Variants in FOXP1 observed in about 807,000 individuals in gnomAD.
FOXP1 encodes the protein forkhead box protein P1.
Under a neutral mutation model 98.2 loss-of-function variants are expected in FOXP1, and 15 were observed. The ratio of observed to expected loss-of-function variants is 0.15; its 90% CI spans 0.10 to 0.24. The LOEUF is 0.24. Among genes scored for constraint, FOXP1 ranks in the 10% least tolerant of loss-of-function variants. The pLI, the probability that FOXP1 is intolerant of heterozygous loss-of-function variation, is 1.00. For missense variants in FOXP1, 633 were observed against 848.5 expected (o/e 0.75, Z 3.15); for synonymous variants, 371 against 314.5 (o/e 1.18, Z -1.90).
intron 3 of FOXP1, among the ~76,000 whole-genome samples, chr3:71,490,492 C>A (rs1299048741): frequency 1.3e-5 from 2 of 150,790 alleles, no homozygotes; most frequent in Admixed American, 1.3e-4. Context: ...GAGCAAAACT[C>A]TGTCTTAAAA....
chr3:71,349,956 G>A (rs1035952963), intron 4 of FOXP1, among the ~76,000 whole-genome samples: 2 of 152,062 alleles, frequency 1.3e-5, no homozygotes, highest in Non-Finnish European at 2.9e-5. Context: ...AATAATATCC[G>A]ATCCTTTCAA....
At chr3:71,175,138 T>C (rs2061868681) in intron 6 of FOXP1, among the ~76,000 whole-genome samples, 1 of 152,300 alleles carries the variant, frequency 6.6e-6, no homozygotes, top group Non-Finnish European at 1.5e-5. Flanking sequence ...GGTCTCGAAC[T>C]CCTGACCTCG....
rs562087069 is a variant in FOXP1 at position 71,355,913 on chromosome 3, C to T, written c.-73+3237G>A. ...ACTGTTTTTCAATCTGGGTACAAGTCACCAACTGGGTCATCCATGAGTACT... is the reference window on the plus strand; with the variant it reads ...ACTGTTTTTCAATCTGGGTACAAGTTACCAACTGGGTCATCCATGAGTACT... On this transcript the variant is annotated intron_variant, in intron 4 of 20. Coordinates refer to ENST00000649528, the MANE Select transcript of FOXP1 (RefSeq NM_001349338.3). Among the ~76,000 whole-genome samples the T allele has an allele frequency of 2.6e-5, 4 of 152,236 alleles. No homozygotes were observed. The South Asian group carries it at 8.3e-4, about 32-fold the overall frequency.
At chr3:71,255,599 G>A (rs909187925) in intron 5 of FOXP1, among the ~76,000 whole-genome samples, 2 of 152,122 alleles carry the variant, frequency 1.3e-5, no homozygotes, top group African/African-American at 2.4e-5. Context: ...AATTCAGTGG[G>A]GAGATGCTTC....
chr3:71,085,934 T>C (rs2055045396), intron 7 of FOXP1, among the ~76,000 whole-genome samples: 1 of 151,616 alleles, frequency 6.6e-6, no homozygotes, highest in Admixed American at 6.6e-5. Flanking sequence ...TTCACCATGT[T>C]GGCCAGGATG....
chr3:71,544,084 T>A (rs1224129910), intron 2 of FOXP1, among the ~76,000 whole-genome samples: 1 of 151,960 alleles, frequency 6.6e-6, no homozygotes, highest in Non-Finnish European at 1.5e-5. Context: ...TATATGTGTG[T>A]ATTTCTATTA....
chr3:71,174,869 A>G (rs554923621), intron 6 of FOXP1, among the ~76,000 whole-genome samples: 5 of 151,772 alleles, frequency 3.3e-5, no homozygotes, highest in Admixed American at 2.0e-4. Context: ...TAGAAGAATC[A>G]AGGACACAGC....
intron 17 of FOXP1, among the ~76,000 whole-genome samples, chr3:70,973,842 CCCCCCCA>C (rs1223807145): frequency 1.9e-5 from 2 of 103,780 alleles, no homozygotes; most frequent in African/African-American, 7.0e-5. Flanking sequence ...ACCGCCCCCC[CCCCCCCA>C]CCCCCCAACA....
intron 6 of FOXP1, among the ~76,000 whole-genome samples, chr3:71,192,335 A>C (rs1437843763): frequency 6.6e-6 from 1 of 152,222 alleles, no homozygotes; most frequent in Non-Finnish European, 1.5e-5. Flanking sequence ...ATTTCCCATA[A>C]GGTATGAAAC....
chr3:71,215,288 G>T (rs2064833943), intron 5 of FOXP1, among the ~76,000 whole-genome samples: 1 of 152,120 alleles, frequency 6.6e-6, no homozygotes, highest in Non-Finnish European at 1.5e-5. Context: ...TTATTCTATA[G>T]TTAATACAAA....
At chr3:71,260,588 G>A (rs928082297) in intron 5 of FOXP1, among the ~76,000 whole-genome samples, 1 of 150,398 alleles carries the variant, frequency 6.6e-6, no homozygotes, top group Non-Finnish European at 1.5e-5. Flanking sequence ...TGTCGCCCAG[G>A]CTGGAGTGCA....
intron 11 of FOXP1, among the ~76,000 whole-genome samples, chr3:71,036,879 T>C (rs941694848): frequency 2.6e-5 from 4 of 152,232 alleles, no homozygotes; most frequent in African/African-American, 9.6e-5. Flanking sequence ...TTTTGTCAAA[T>C]TGAATTTCAA....
At position 71,003,624 on chromosome 3, in the gene FOXP1, A is replaced by G. The variant is rs997641897; in HGVS notation, c.975-2565T>C. On this transcript the variant is annotated intron_variant, in intron 12 of 20. Transcript: ENST00000649528. ...TTCTGCACATTTATAACTAATCTAA[A>G]TAAGTAGCTTGCCGGCAGACAACGT... Among the ~76,000 whole-genome samples, 6 of 152,292 alleles carry G rather than the reference A, an allele frequency of 3.9e-5. 1 individual carries two copies. The South Asian group carries it at 1.2e-3, about 32-fold the overall frequency.
chr3:71,307,115 T>A (rs1334987336), intron 4 of FOXP1, among the ~76,000 whole-genome samples: 1 of 152,230 alleles, frequency 6.6e-6, no homozygotes, highest in Non-Finnish European at 1.5e-5. Flanking sequence ...TAAGATTATG[T>A]TCGTCTACTA....
chr3:71,054,895 G>A (rs2050409050), intron 7 of FOXP1, among the ~76,000 whole-genome samples: 1 of 152,030 alleles, frequency 6.6e-6, no homozygotes, highest in Non-Finnish European at 1.5e-5. Flanking sequence ...GATATACTTT[G>A]TTAAAAAGGA....
rs141107015 is a variant in FOXP1 at position 71,091,881 on chromosome 3, A to G, written c.282+20655T>C. Among the ~76,000 whole-genome samples, 170 of 152,324 alleles carry G rather than the reference A, an allele frequency of 1.1e-3. 1 individual carries two copies. The highest frequency in any genetic ancestry group is 8.2e-4 in the Non-Finnish European group (56 of 68,034). ...AAGTTCAAGGATCTGGCTTTTACAA[A>G]AGCCAACAGGAAAATCACGATGTAG... On this transcript the variant is annotated intron_variant, in intron 7 of 20. Transcript: ENST00000649528.
At chr3:70,995,221 G>A (rs1338888056) in intron 13 of FOXP1, among the ~76,000 whole-genome samples, 2 of 152,080 alleles carry the variant, frequency 1.3e-5, no homozygotes, top group African/African-American at 4.8e-5. Flanking sequence ...CTAGGCCCAC[G>A]GCCGGTGGAC....
chr3:71,138,909 T>A (rs1003799483), intron 6 of FOXP1, among the ~76,000 whole-genome samples: 29 of 145,000 alleles, frequency 2.0e-4, no homozygotes, highest in Non-Finnish European at 2.9e-4. Flanking sequence ...TGCAATAAGT[T>A]AAAAAAAAAA....
chr3:71,246,844 C>T (rs1313822696), intron 5 of FOXP1, among the ~76,000 whole-genome samples: 2 of 152,178 alleles, frequency 1.3e-5, no homozygotes, highest in East Asian at 3.9e-4. Context: ...TTTTCATTAG[C>T]CTGTCTCAGA....
Sources: gnomAD v4.1 joint callset for allele counts (sites outside exome capture counted in the v4.1 genomes callset) on GRCh38, gnomAD v4.1.1 for gene constraint, MANE v1.5 for transcripts, NCBI Gene and HGNC (gene_info 2026-07-23, HGNC 2026-07-21) for gene names.